The following ATP8A2 variants were observed in gnomAD, a reference collection of about 807,000 sequenced individuals.
ATP8A2 encodes ATPase phospholipid transporting 8A2.
In ATP8A2, 100 loss-of-function variants were observed where a neutral mutation model predicts 165.6. That is an observed-to-expected ratio of 0.60 (90% CI 0.51 to 0.71). The LOEUF (loss-of-function observed/expected upper bound fraction) is 0.71, where lower values mean the gene tolerates loss of function less well. Ranked by LOEUF, ATP8A2 falls within the 30% of genes least tolerant of loss-of-function variation. The pLI, the probability that ATP8A2 is intolerant of heterozygous loss-of-function variation, is 0.00. For synonymous variants in ATP8A2, 543 were observed against 548.8 expected, an observed-to-expected ratio of 0.99 and a Z score of 0.15; for missense variants, 1,227 against 1,479.5, an observed-to-expected ratio of 0.83 and a Z score of 2.80.
At chr13:25,643,459 A>C (rs1030619900) in intron 24 of ATP8A2, among the ~76,000 whole-genome samples, 1 of 152,128 alleles carries the variant, frequency 6.6e-6, no homozygotes, top group Admixed American at 6.6e-5. Context: ...TATATATGGT[A>C]AGAGACAGGG....
intron 1 of ATP8A2, among the ~76,000 whole-genome samples, chr13:25,427,182 A>G (rs921514087): frequency 1.3e-5 from 2 of 152,100 alleles, no homozygotes; most frequent in South Asian, 2.1e-4. Flanking sequence ...GCCGCTCCCC[A>G]TAGCTCCCCA....
intron 24 of ATP8A2, among the ~76,000 whole-genome samples, chr13:25,668,902 A>G (rs149477719): frequency 0.012 from 1,759 of 152,140 alleles, 31 homozygotes; most frequent in African/African-American, 0.04. Context: ...TATAATTTCT[A>G]TCTCTTTACT....
At chr13:25,853,843 T>A (rs190545844) in intron 30 of ATP8A2, among the ~76,000 whole-genome samples, 1 of 152,262 alleles carries the variant, frequency 6.6e-6, no homozygotes, top group East Asian at 1.9e-4. Flanking sequence ...TGAGGCTGAT[T>A]TAGCAGCTAA....
chr13:25,595,186 C>A (rs1460691635), intron 24 of ATP8A2, among the ~76,000 whole-genome samples: 1 of 151,870 alleles, frequency 6.6e-6, no homozygotes, highest in Admixed American at 6.6e-5. Flanking sequence ...CGTGTTTCAA[C>A]GTATGGAATA....
rs138291936 is a variant in ATP8A2 at position 25,505,599 on chromosome 13, A to T, written c.222-24400A>T. On this transcript the variant is annotated intron_variant, in intron 2 of 36. Transcript: ENST00000381655. ...TCTGACCTAGAGACTCTATCTCTCT[A>T]GAGATATTATAGTTCCAAATCTGTA... 2.6e-5 allele frequency among the ~76,000 whole-genome samples: 4 copies of T among 152,122 alleles called. 1 individual carries two copies. The highest frequency in any genetic ancestry group is 5.9e-5 in the Non-Finnish European group (4 of 68,028).
At chr13:25,940,871 C>T (rs1296061528) in intron 33 of ATP8A2, among the ~76,000 whole-genome samples, 1 of 152,182 alleles carries the variant, frequency 6.6e-6, no homozygotes, top group Non-Finnish European at 1.5e-5. Flanking sequence ...CCTGAGTGAC[C>T]TCACCTGTGA....
chr13:25,637,579 G>A (rs754003694), intron 24 of ATP8A2, among the ~76,000 whole-genome samples: 9 of 152,138 alleles, frequency 5.9e-5, no homozygotes, highest in African/African-American at 9.7e-5. Context: ...TGCCATTGAC[G>A]AGGCTTGAGT....
chr13:25,555,163 C>A, intron 13 of ATP8A2, 95 bp downstream of exon 13: 1 of 853,816 alleles, frequency 1.2e-6, no homozygotes, highest in Admixed American at 1.9e-5. Context: ...TGCAAAAATA[C>A]TTCTCCATGA....
chr13:25,481,018 T>C (rs1340290988), intron 2 of ATP8A2, among the ~76,000 whole-genome samples: 2 of 152,028 alleles, frequency 1.3e-5, no homozygotes, highest in East Asian at 1.9e-4. Context: ...CAGTCAGGCG[T>C]GGCAGCGCGC....
At chr13:26,000,700 CAAAA>C (rs5802358) in intron 35 of ATP8A2, among the ~76,000 whole-genome samples, 45 of 110,162 alleles carry the variant, frequency 4.1e-4, no homozygotes, top group African/African-American at 1.2e-3. Flanking sequence ...AGTACAGAGC[CAAAA>C]AAAAAAAAAA....
chr13:25,777,775 G>C (rs1353360662), intron 27 of ATP8A2, among the ~76,000 whole-genome samples: 3 of 152,232 alleles, frequency 2.0e-5, no homozygotes, highest in Non-Finnish European at 4.4e-5. Flanking sequence ...CTGTAAGCCT[G>C]TGATGTAATG....
intron 29 of ATP8A2, 81 bp from the exon 30 acceptor site, chr13:25,839,465 A>G: frequency 1.0e-6 from 1 of 959,824 alleles, no homozygotes; most frequent in Non-Finnish European, 1.7e-6. Flanking sequence ...AGGATCCTTC[A>G]CAATGTGGCG....
At chr13:25,451,941 G>A (rs972495697) in intron 1 of ATP8A2, among the ~76,000 whole-genome samples, 4 of 150,258 alleles carry the variant, frequency 2.7e-5, no homozygotes, top group African/African-American at 4.9e-5. Flanking sequence ...TGTGACCTCC[G>A]CCTCCTGGGT....
intron 23 of ATP8A2, among the ~76,000 whole-genome samples, chr13:25,589,318 C>T (rs188320155): frequency 4.3e-4 from 65 of 152,228 alleles, no homozygotes; most frequent in African/African-American, 1.6e-3. Flanking sequence ...GGTCCACTGC[C>T]TTCCTGAAGT....
intron 27 of ATP8A2, among the ~76,000 whole-genome samples, chr13:25,810,287 A>G (rs1342332579): frequency 9.2e-5 from 14 of 152,232 alleles, no homozygotes; most frequent in Non-Finnish European, 1.0e-4. Flanking sequence ...GAGAATTTGA[A>G]TGGAGACTGC....
intron 25 of ATP8A2, among the ~76,000 whole-genome samples, chr13:25,757,909 AG>A (rs2044298080): frequency 6.6e-6 from 1 of 152,136 alleles, no homozygotes; most frequent in Non-Finnish European, 1.5e-5. Context: ...CTGAAGGCAC[AG>A]GGTCCTGCTG....
At chr13:25,813,341 C>A (rs1024912872) in intron 27 of ATP8A2, among the ~76,000 whole-genome samples, 3 of 140,670 alleles carry the variant, frequency 2.1e-5, no homozygotes, top group African/African-American at 7.9e-5. Context: ...AAGGAGTTCA[C>A]AGTCCAGTGG....
At chr13:25,869,328 T>A (rs973436586) in intron 33 of ATP8A2, among the ~76,000 whole-genome samples, 4 of 151,808 alleles carry the variant, frequency 2.6e-5, no homozygotes, top group Non-Finnish European at 5.9e-5. Flanking sequence ...GGAAGCTCCT[T>A]AAAGTGGTTT....
chr13:25,646,463 G>A (rs373187922), intron 24 of ATP8A2, among the ~76,000 whole-genome samples: 14 of 151,992 alleles, frequency 9.2e-5, no homozygotes, highest in African/African-American at 3.4e-4. Context: ...AGACGATCCT[G>A]GCCAAGATGG....
Sources: gnomAD v4.1 joint callset for allele counts (sites outside exome capture counted in the v4.1 genomes callset) on GRCh38, gnomAD v4.1.1 for gene constraint, MANE v1.5 for transcripts, NCBI Gene and HGNC (gene_info 2026-07-23, HGNC 2026-07-21) for gene names.